PGM2: variants seen among roughly 807,000 people sequenced by gnomAD.
The protein encoded by PGM2 is phosphopentomutase.
A neutral mutation model predicts 74.6 loss-of-function variants in PGM2; 57 were observed. The observed-to-expected ratio is 0.76, with a 90% CI of 0.62 to 0.95. The LOEUF (loss-of-function observed/expected upper bound fraction) is 0.95, where lower values mean the gene tolerates loss of function less well. PGM2 is among the 40% of genes least tolerant of loss of function. The pLI is 0.00. For synonymous variants in PGM2, 273 were observed against 260.7 expected, an observed-to-expected ratio of 1.05 and a Z score of -0.46; for missense variants, 706 against 741.9, an observed-to-expected ratio of 0.95 and a Z score of 0.56.
intron 13 of PGM2, among the ~76,000 whole-genome samples, 153 bp downstream of exon 13, chr4:37,855,894 T>G (rs554604701): frequency 2.6e-5 from 4 of 152,368 alleles, no homozygotes; most frequent in African/African-American, 9.6e-5. Flanking sequence ...GTATTAACAG[T>G]CAGTCTCAGC....
At chr4:37,840,893 T>C (rs1007946901) in intron 6 of PGM2, among the ~76,000 whole-genome samples, 13 of 151,822 alleles carry the variant, frequency 8.6e-5, no homozygotes, top group Non-Finnish European at 1.3e-4. Context: ...CATAGTTTGC[T>C]GACCTGTTAT....
intron 11 of PGM2, 98 bp from the exon 12 acceptor site, chr4:37,850,086 C>T (rs904033417): frequency 2.9e-6 from 2 of 686,064 alleles, no homozygotes; most frequent in South Asian, 2.0e-5. Flanking sequence ...CCACACCCAG[C>T]CATATTTATT....
At chr4:37,845,298 T>A (rs1046095570) in intron 7 of PGM2, among the ~76,000 whole-genome samples, 1 of 152,202 alleles carries the variant, frequency 6.6e-6, no homozygotes, top group African/African-American at 2.4e-5. Flanking sequence ...TTATTTTGTT[T>A]TATTTGTGAG....
At position 37,840,057 on chromosome 4, in the gene PGM2, G is replaced by A. The variant is rs199867267; in HGVS notation, c.526-9G>A. 615 of 1,608,472 alleles carry A rather than the reference G, an allele frequency of 3.8e-4. No individual in the cohort carries two copies. Among genetic ancestry groups the A allele is most frequent in the Admixed American group, 6.7e-4 (40 of 59,656 alleles). ...GTAAACCTTCTGAATGTGTTCCTGGGTCCTCTAGGTCTATTGGGATAATGG... is the reference window on the plus strand; with the variant it reads ...GTAAACCTTCTGAATGTGTTCCTGGATCCTCTAGGTCTATTGGGATAATGG... On this transcript the variant is annotated splice_polypyrimidine_tract_variant and intron_variant, in intron 5 of 13. Transcript: ENST00000381967.
At chr4:37,839,782 A>G (rs1725657128) in intron 4 of PGM2, 66 bp from the exon 5 acceptor site, 1 of 879,500 alleles carries the variant, frequency 1.1e-6, no homozygotes, top group African/African-American at 1.7e-5. Context: ...TATAAAATAG[A>G]CATTTTAAGA....
At chr4:37,849,123 G>C (rs1329919714) in intron 11 of PGM2, among the ~76,000 whole-genome samples, 1 of 151,180 alleles carries the variant, frequency 6.6e-6, no homozygotes, top group South Asian at 2.1e-4. Flanking sequence ...TTTTCCTTTT[G>C]ATATGTAACA....
At position 37,840,244 on chromosome 4, in the gene PGM2, A is replaced by T; in HGVS notation, c.704A>T (p.Lys235Met). Reference sequence around the variant, plus strand: ...AATGACTACTTTGAAGACCTTAAAAAGTACTGTTTCCACAGGTAAATGAAT... The same window carrying T: ...AATGACTACTTTGAAGACCTTAAAATGTACTGTTTCCACAGGTAAATGAAT... ...INNDYFEDLK[K>M]YCFHRSVNRE... is the part of the protein sequence containing the mutation. The change falls in exon 6 of 14, where the codon AAG (lysine) becomes ATG (methionine). Residue 235 changes from lysine to methionine, a missense_variant. Coordinates refer to ENST00000381967, the MANE Select transcript of PGM2 (RefSeq NM_018290.4). 1 of 1,605,648 alleles carries T rather than the reference A, an allele frequency of 6.2e-7. No homozygotes were observed.
At chr4:37,859,887 G>T (rs1217471826) in intron 13 of PGM2, among the ~76,000 whole-genome samples, 1 of 152,148 alleles carries the variant, frequency 6.6e-6, no homozygotes, top group Non-Finnish European at 1.5e-5. Context: ...TGGCTTAAAT[G>T]ATTATAGGAT....
intron 11 of PGM2, among the ~76,000 whole-genome samples, chr4:37,849,549 T>G (rs1311270261): frequency 1.3e-5 from 2 of 150,994 alleles, no homozygotes; most frequent in Non-Finnish European, 3.0e-5. Flanking sequence ...GTAACTGGGA[T>G]TATAGGTGTC....
At chr4:37,845,877 CT>C in intron 8 of PGM2, 147 bp downstream of exon 8, 1 of 609,396 alleles carries the variant, frequency 1.6e-6, no homozygotes, top group Non-Finnish European at 2.9e-6. Flanking sequence ...CCTGTAGAGT[CT>C]TCTAATGGAG....
Position 37,829,945 on chromosome 4 carries a change from A to T in PGM2, c.82-19A>T, listed in dbSNP as rs377263220. ...TTCATTCACTTGTCTGGCTGTGTCT[A>T]TACATTTTTGTTTTTCAGAATTCCT... On this transcript the variant is annotated intron_variant, in intron 1 of 13. Coordinates refer to ENST00000381967, the MANE Select transcript of PGM2 (RefSeq NM_018290.4). 2.6e-6 allele frequency: 4 copies of T among 1,547,312 alleles called. No individual in the cohort carries two copies. Among genetic ancestry groups the T allele is most frequent in the Non-Finnish European group, 3.5e-6 (4 of 1,139,328 alleles).
chr4:37,847,050 C>T lies in PGM2; in HGVS notation c.1127C>T (p.Ser376Phe). The change falls in exon 9 of 14, where the codon TCC becomes TTC. Residue 376 changes from serine to phenylalanine, a missense_variant. By Grantham distance (155) the Ser-to-Phe change is radical. Around this residue, in one of 3 missense-constraint regions of PGM2, gnomAD observed 359 missense variants for 371.1 expected, o/e 0.97. Transcript: ENST00000381967. Reference protein sequence around the residue: ...RSALKDTYMLSSTVSSKILRA... With the variant: ...RSALKDTYMLFSTVSSKILRA... ...GCTCTCAAAGACACGTACATGTTGT[C>T]CAGCACCGTCTCCTCCAAAATCTTG... 2 of 1,613,650 alleles carry T rather than the reference C, an allele frequency of 1.2e-6. No individual in the cohort carries two copies. The highest frequency in any genetic ancestry group is 1.7e-6 in the Non-Finnish European group (2 of 1,179,598).
At chr4:37,845,859 C>A in intron 8 of PGM2, 129 bp downstream of exon 8, 1 of 652,024 alleles carries the variant, frequency 1.5e-6, no homozygotes. Flanking sequence ...GATCATTTCA[C>A]TGAACCTCCT....
At chr4:37,859,941 T>C (rs1711707778) in intron 13 of PGM2, among the ~76,000 whole-genome samples, 1 of 152,180 alleles carries the variant, frequency 6.6e-6, no homozygotes, top group Non-Finnish European at 1.5e-5. Context: ...TTCTCAAGCA[T>C]TAATTTAACA....
In PGM2 at chr4:37,846,963, T is replaced by TG. The variant is rs1326861701; in HGVS notation, c.1045dup (p.Ala349GlyfsTer48). On this transcript the variant is annotated frameshift_variant, in exon 9 of 14. Transcript: ENST00000381967. LOFTEE classifies it high-confidence loss of function. Reference sequence around the variant, plus strand: ...TGGAGGGTGTTTTCAGGCAATGAGTTGGGGGCCCTCCTGGGCTGGTGGCTT... The same window carrying TG: ...TGGAGGGTGTTTTCAGGCAATGAGTTGGGGGGCCCTCCTGGGCTGGTGGCTT... The TG allele has an allele frequency of 8.7e-6, 14 of 1,613,554 alleles. No individual in the cohort carries two copies. Among genetic ancestry groups the TG allele is most frequent in the Non-Finnish European group, 1.2e-5 (14 of 1,179,830 alleles).
chr4:37,858,542 G>T (rs1475886423), intron 13 of PGM2, among the ~76,000 whole-genome samples: 3 of 150,110 alleles, frequency 2.0e-5, no homozygotes, highest in South Asian at 4.2e-4. Flanking sequence ...TAGAGACAAG[G>T]TTTCATCATG....
At position 37,830,085 on chromosome 4, in the gene PGM2, C is replaced by A; in HGVS notation, c.203C>A (p.Pro68His). ...GTAGLRAAMG[P>H]GISRMNDLTI... ...GCTGGCCTCCGAGCTGCTATGGGAC[C>A]TGGAATTTCTCGTATGAATGACTTG... is the stretch of plus-strand genomic sequence containing the variant. The change falls in exon 2 of 14, where the codon CCT (proline) becomes CAT (histidine). Residue 68 changes from proline (P) to histidine (H), a missense_variant. This residue lies in a region of PGM2 where 332 missense variants were observed against 334.9 expected (regional missense o/e 0.99). Transcript: ENST00000381967. 1 of 1,596,982 alleles carries A rather than the reference C, an allele frequency of 6.3e-7. No homozygotes were observed. The highest frequency in any genetic ancestry group is 8.5e-7 in the Non-Finnish European group (1 of 1,171,908).
In PGM2 at chr4:37,850,291, C is replaced by A; in HGVS notation, c.1520C>A (p.Pro507Gln). Residue 507 changes from proline to glutamine, a missense_variant, in exon 12 of 14, where the codon CCA becomes CAA. By Grantham distance (76) the Pro-to-Gln change is moderately conservative (BLOSUM62 -1). Coordinates refer to ENST00000381967, the MANE Select transcript of PGM2 (RefSeq NM_018290.4). ...AACTACGATGGAAAAAATAATTATC[C>A]AAAAGCTTGTGGCAAATTTGAAATT... ...LRNYDGKNNY[P>Q]KACGKFEISA... 6.3e-7 allele frequency: 1 copy of A among 1,591,486 alleles called. No individual in the cohort carries two copies. Among genetic ancestry groups the A allele is most frequent in the South Asian group, 1.2e-5 (1 of 86,348 alleles).
chr4:37,843,882 T>C (rs1175242810), intron 6 of PGM2, among the ~76,000 whole-genome samples: 1 of 152,360 alleles, frequency 6.6e-6, no homozygotes, highest in Non-Finnish European at 1.5e-5. Flanking sequence ...GTAAAAGTTT[T>C]ATTTTTTATA....
Sources: allele counts gnomAD v4.1 joint callset (sites outside exome capture counted in the v4.1 genomes callset), GRCh38; gene constraint gnomAD v4.1.1; regional missense constraint gnomAD v4.1.1; transcripts MANE v1.5; gene names NCBI Gene and HGNC (gene_info 2026-07-23, HGNC 2026-07-21).